The following NR1H4 variants were observed in gnomAD, a reference collection of about 807,000 sequenced individuals.
The protein encoded by NR1H4 is nuclear receptor subfamily 1 group H member 4.
A neutral mutation model predicts 58.5 loss-of-function variants in NR1H4; 23 were observed. The observed-to-expected ratio is 0.39, with a 90% CI of 0.28 to 0.56. The LOEUF (loss-of-function observed/expected upper bound fraction) is 0.56. Among genes scored for constraint, NR1H4 ranks in the 20% least tolerant of loss-of-function variants. The pLI, the probability that NR1H4 is intolerant of heterozygous loss-of-function variation, is 0.58. For missense variants in NR1H4, 487 were observed against 576.9 expected (o/e 0.84, Z 1.60); for synonymous variants, 214 against 198.0 (o/e 1.08, Z -0.68).
At chr12:100,511,423 G>A (rs1382528195) in intron 4 of NR1H4, among the ~76,000 whole-genome samples, 1 of 152,054 alleles carries the variant, frequency 6.6e-6, no homozygotes, top group Non-Finnish European at 1.5e-5. Context: ...GGGAACTTAT[G>A]ATTAAATTGA....
intron 9 of NR1H4, among the ~76,000 whole-genome samples, chr12:100,551,831 C>T (rs1955210210): frequency 6.6e-6 from 1 of 152,198 alleles, no homozygotes; most frequent in South Asian, 2.1e-4. Flanking sequence ...ATATAAAATA[C>T]AACCTTTGTA....
At chr12:100,559,814 C>T (rs575165814) in intron 9 of NR1H4, among the ~76,000 whole-genome samples, 34 of 152,358 alleles carry the variant, frequency 2.2e-4, no homozygotes, top group African/African-American at 6.7e-4. Context: ...GCCCTGGTGC[C>T]GGATCCACTA....
chr12:100,535,404 T>C (rs925272166), intron 6 of NR1H4, among the ~76,000 whole-genome samples: 19 of 152,214 alleles, frequency 1.2e-4, no homozygotes, highest in Admixed American at 2.6e-4. Context: ...TTAATCCTTA[T>C]AAATGAGTAA....
At chr12:100,557,948 GGTTTT>G (rs1322705718) in intron 9 of NR1H4, among the ~76,000 whole-genome samples, 16 of 151,962 alleles carry the variant, frequency 1.1e-4, no homozygotes, top group Non-Finnish European at 2.4e-4. Flanking sequence ...TTTTTGTGTT[GGTTTT>G]GTTTTGTTTT....
intron 4 of NR1H4, among the ~76,000 whole-genome samples, chr12:100,514,682 CA>C (rs1370505081): frequency 6.6e-6 from 1 of 152,156 alleles, no homozygotes; most frequent in African/African-American, 2.4e-5. Flanking sequence ...TAGAGCTTCT[CA>C]AACTTGAGCT....
At chr12:100,505,112 A>C (rs17030247) in intron 3 of NR1H4, among the ~76,000 whole-genome samples, 2,656 of 151,982 alleles carry the variant, frequency 0.017, 60 homozygotes, top group African/African-American at 0.054. Flanking sequence ...AAAAAAAAAA[A>C]GTGACTTTTC....
chr12:100,485,764 C>T (rs958917634), intron 1 of NR1H4, among the ~76,000 whole-genome samples: 2 of 152,098 alleles, frequency 1.3e-5, no homozygotes, highest in African/African-American at 2.4e-5. Flanking sequence ...GAACTCCTGA[C>T]CTCAGCTGAT....
intron 1 of NR1H4, among the ~76,000 whole-genome samples, chr12:100,490,333 T>G (rs1028612548): frequency 2.0e-5 from 3 of 152,120 alleles, no homozygotes; most frequent in Non-Finnish European, 4.4e-5. Flanking sequence ...TTGCTGAACA[T>G]GGCTCAAGGT....
At chr12:100,550,336 G>A (rs1955176390) in intron 9 of NR1H4, among the ~76,000 whole-genome samples, 1 of 151,990 alleles carries the variant, frequency 6.6e-6, no homozygotes, top group Non-Finnish European at 1.5e-5. Flanking sequence ...AAATAGGTTT[G>A]CTAACACTGA....
intron 4 of NR1H4, among the ~76,000 whole-genome samples, chr12:100,513,566 G>C (rs1209585472): frequency 1.3e-5 from 2 of 152,130 alleles, no homozygotes; most frequent in African/African-American, 4.8e-5. Context: ...AGGCCGAGGT[G>C]GGGGGATCAC....
intron 9 of NR1H4, among the ~76,000 whole-genome samples, chr12:100,542,208 A>G (rs1382888659): frequency 6.6e-6 from 1 of 152,072 alleles, no homozygotes; most frequent in Non-Finnish European, 1.5e-5. Flanking sequence ...TTAGCTGGGC[A>G]TGGTAGTACG....
chr12:100,542,373 C>T (rs917804080), intron 9 of NR1H4, among the ~76,000 whole-genome samples: 7 of 152,150 alleles, frequency 4.6e-5, no homozygotes, highest in African/African-American at 1.7e-4. Context: ...TGTGTCTTAA[C>T]CACTATGCTA....
intron 9 of NR1H4, among the ~76,000 whole-genome samples, chr12:100,544,017 C>T (rs1954999807): frequency 6.6e-6 from 1 of 152,060 alleles, no homozygotes; most frequent in Admixed American, 6.6e-5. Context: ...CTTTGGGAGG[C>T]CAAGGCGGGT....
chr12:100,556,671 T>G (rs1424918765), intron 9 of NR1H4, among the ~76,000 whole-genome samples: 1 of 152,162 alleles, frequency 6.6e-6, no homozygotes, highest in African/African-American at 2.4e-5. Context: ...TTTGGGAATG[T>G]GTGTTGGATC....
At chr12:100,551,277 A>G (rs1955197410) in intron 9 of NR1H4, among the ~76,000 whole-genome samples, 1 of 152,232 alleles carries the variant, frequency 6.6e-6, no homozygotes, top group African/African-American at 2.4e-5. Flanking sequence ...ATGAAGTTGT[A>G]GCCCTTAATA....
rs1040664038 is a variant in NR1H4 at position 100,493,251 on chromosome 12, C to A, written c.-54-19C>A. 1 of 776,552 alleles carries A rather than the reference C, an allele frequency of 1.3e-6. No individual in the cohort carries two copies. The highest frequency in any genetic ancestry group is 1.7e-5 in the African/African-American group (1 of 58,440). The allele number at this position is 776,552 out of a possible 1,614,324, so 48.1% of individuals were successfully genotyped here. A position where few individuals can be genotyped will look rare whatever the true frequency, so the allele number is the denominator to read the frequency against. On this transcript the variant is annotated intron_variant, in intron 2 of 10. Coordinates refer to ENST00000392986, the MANE Select transcript of NR1H4 (RefSeq NM_001206979.2). The stretch of plus-strand genomic sequence containing the variant: ...CTTCCCGCATTCCCACAGTCACAAA[C>A]TATTTATTTTCCTTTCAGGAGTTTT...
intron 4 of NR1H4, among the ~76,000 whole-genome samples, chr12:100,521,579 C>A (rs541193950): frequency 1.3e-5 from 2 of 152,100 alleles, no homozygotes; most frequent in African/African-American, 4.8e-5. Context: ...TGGTAGAATT[C>A]CTAAAAGATG....
Position 100,494,522 on chromosome 12 carries a change from C to T in NR1H4, c.79+1120C>T, listed in dbSNP as rs567844520. Among the ~76,000 whole-genome samples the T allele has an allele frequency of 3.3e-5, 5 of 152,238 alleles. 1 individual carries two copies. Among genetic ancestry groups the T allele is most frequent in the African/African-American group, 7.2e-5 (3 of 41,552 alleles). On this transcript the variant is annotated intron_variant, in intron 3 of 10. Transcript: ENST00000392986. Reference sequence around the variant, plus strand: ...TTTATGGAAAAAACAGATGTTGATCCGTAACTCTTAGAGAGACCAAAGGCG... The same window carrying T: ...TTTATGGAAAAAACAGATGTTGATCTGTAACTCTTAGAGAGACCAAAGGCG...
intron 9 of NR1H4, among the ~76,000 whole-genome samples, chr12:100,548,560 T>A (rs1955134247): frequency 6.6e-6 from 1 of 152,120 alleles, no homozygotes; most frequent in East Asian, 1.9e-4. Context: ...TAGCTTCGAA[T>A]CTTATCATTT....
Sources: allele counts gnomAD v4.1 joint callset (sites outside exome capture counted in the v4.1 genomes callset), GRCh38; gene constraint gnomAD v4.1.1; transcripts MANE v1.5; gene names NCBI Gene and HGNC (gene_info 2026-07-23, HGNC 2026-07-21).